Variants in DRC2 observed in about 807,000 individuals in gnomAD.
DRC2 encodes the protein coiled-coil domain containing 65.
chr12:48,904,336 C>CA, the DRC2 span: 1 of 1,613,124 alleles, frequency 6.2e-7, no homozygotes, highest in Non-Finnish European at 8.5e-7. Flanking sequence ...CCCCTGCCCC[C>CA]ATGCCTAAGA....
At chr12:48,917,863 T>C in the DRC2 span, among the ~76,000 whole-genome samples, 2 of 152,262 alleles carry the variant, frequency 1.3e-5, no homozygotes, top group Non-Finnish European at 2.9e-5. Flanking sequence ...GGTTTGGGTA[T>C]GGAGTTCTTT....
the DRC2 span, chr12:48,904,248 C>T: frequency 1.3e-6 from 2 of 1,501,794 alleles, no homozygotes. Flanking sequence ...TTCTGGAAGT[C>T]CCCTTTCTAG....
the DRC2 span, chr12:48,916,855 C>A: frequency 1.1e-6 from 1 of 908,452 alleles, no homozygotes; most frequent in Non-Finnish European, 1.6e-6. Context: ...TCTCTTTTCT[C>A]CATCAGTACC....
At chr12:48,908,604 A>ATTATTATTTAT in the DRC2 span, among the ~76,000 whole-genome samples, 652 of 110,874 alleles carry the variant, frequency 5.9e-3, 1 homozygote, top group South Asian at 0.011. Context: ...TATTATTATT[A>ATTATTATTTAT]TTATTTATTT....
the DRC2 span, chr12:48,914,696 C>T: frequency 2.4e-6 from 2 of 823,208 alleles, no homozygotes; most frequent in Non-Finnish European, 3.7e-6. Flanking sequence ...TATCACGGGA[C>T]CCCCAGCAGA....
At chr12:48,916,523 A>T in the DRC2 span, among the ~76,000 whole-genome samples, 1 of 152,152 alleles carries the variant, frequency 6.6e-6, no homozygotes, top group Non-Finnish European at 1.5e-5. Context: ...TCAGGCAGGG[A>T]GGTTGCAGTG....
At chr12:48,917,573 C>T in the DRC2 span, among the ~76,000 whole-genome samples, 2 of 152,144 alleles carry the variant, frequency 1.3e-5, no homozygotes, top group African/African-American at 2.4e-5. Flanking sequence ...TGTAGGTATC[C>T]CTAATGCTTT....
the DRC2 span, chr12:48,905,019 T>C: frequency 6.2e-7 from 1 of 1,614,074 alleles, no homozygotes; most frequent in Non-Finnish European, 8.5e-7. Context: ...AGAACTGTCC[T>C]TCGGGAAGTC....
chr12:48,905,716 TCTTA>T, the DRC2 span, among the ~76,000 whole-genome samples: 2 of 152,194 alleles, frequency 1.3e-5, no homozygotes, highest in Admixed American at 6.5e-5. Flanking sequence ...CCTTCTTTTG[TCTTA>T]CTTTTAATAT....
chr12:48,920,944 T>A, the DRC2 span: 2 of 1,612,518 alleles, frequency 1.2e-6, no homozygotes, highest in South Asian at 2.2e-5. Context: ...AAAAGATCCT[T>A]AAACTTGCTG....
At chr12:48,921,217 A>G in the DRC2 span, 2 of 1,614,206 alleles carry the variant, frequency 1.2e-6, no homozygotes, top group Non-Finnish European at 1.7e-6. Flanking sequence ...AGGTACAACA[A>G]AGTGAAACTG....
At chr12:48,918,535 C>T in the DRC2 span, 1 of 1,536,902 alleles carries the variant, frequency 6.5e-7, no homozygotes, top group African/African-American at 1.4e-5. Flanking sequence ...TCTTTTGCTT[C>T]CCCTTGTTTC....
the DRC2 span, among the ~76,000 whole-genome samples, chr12:48,911,337 T>A: frequency 2.2e-4 from 33 of 152,042 alleles, no homozygotes; most frequent in Admixed American, 2.2e-3. Context: ...AGGCGGCAGA[T>A]CCTTTGAGCC....
At chr12:48,904,302 C>G in the DRC2 span, 2 of 1,597,590 alleles carry the variant, frequency 1.3e-6, no homozygotes, top group Non-Finnish European at 1.7e-6. Context: ...CGAGGCAGAC[C>G]GAGGCTTCTT....
the DRC2 span, among the ~76,000 whole-genome samples, chr12:48,909,896 T>G: frequency 6.6e-6 from 1 of 151,522 alleles, no homozygotes; most frequent in Non-Finnish European, 1.5e-5. Flanking sequence ...TCCTCCTGCC[T>G]CAGCCTCCTG....
chr12:48,914,439 G>A, the DRC2 span: 1 of 1,613,848 alleles, frequency 6.2e-7, no homozygotes, highest in Non-Finnish European at 8.5e-7. Flanking sequence ...CCGAGGAGCA[G>A]TACGCCCATG....
the DRC2 span, among the ~76,000 whole-genome samples, chr12:48,908,636 A>G: frequency 1.3e-5 from 2 of 149,746 alleles, no homozygotes; most frequent in Non-Finnish European, 3.0e-5. Context: ...TTTTAGACAG[A>G]GTCACCCAGG....
At chr12:48,915,441 T>C in the DRC2 span, among the ~76,000 whole-genome samples, 7 of 147,312 alleles carry the variant, frequency 4.8e-5, no homozygotes, top group Non-Finnish European at 3.0e-5. Flanking sequence ...AGGTCACAGA[T>C]CAACAGGATC....
chr12:48,921,517 AT>A, the DRC2 span: 132,887 of 1,250,902 alleles, frequency 0.11, no homozygotes, highest in South Asian at 0.21. Context: ...ACTCCTAGAG[AT>A]TTTTTTTTTT....
Sources: gnomAD v4.1 joint callset for allele counts (sites outside exome capture counted in the v4.1 genomes callset) on GRCh38, gnomAD v4.1.1 for gene constraint, MANE v1.5 for transcripts, NCBI Gene and HGNC (gene_info 2026-07-23, HGNC 2026-07-21) for gene names.